SLC24A2: variants seen among roughly 807,000 people sequenced by gnomAD.
The protein encoded by SLC24A2 is solute carrier family 24 member 2.
SLC24A2 carries 36 observed loss-of-function variants against 62.0 expected under a neutral mutation model. The observed-to-expected ratio is 0.58, with a 90% CI of 0.44 to 0.77. The LOEUF (loss-of-function observed/expected upper bound fraction) is 0.77. SLC24A2 is among the 30% of genes least tolerant of loss of function. The pLI is 0.00. For missense variants in SLC24A2, 846 were observed against 817.9 expected (o/e 1.03, Z -0.42); for synonymous variants, 358 against 294.0 (o/e 1.22, Z -2.23).
At chr9:19,988,160 C>G in the SLC24A2 span, among the ~76,000 whole-genome samples, 1 of 152,134 alleles carries the variant, frequency 6.6e-6, no homozygotes, top group African/African-American at 2.4e-5. Context: ...ACTGCCTTCT[C>G]TCCTACCACC....
chr9:19,863,871 A>G, the SLC24A2 span, among the ~76,000 whole-genome samples: 1 of 151,988 alleles, frequency 6.6e-6, no homozygotes, highest in South Asian at 2.1e-4. Flanking sequence ...ACAGAAATGA[A>G]GAAAATATAA....
the SLC24A2 span, among the ~76,000 whole-genome samples, chr9:19,885,583 T>A: frequency 3.3e-5 from 5 of 152,160 alleles, no homozygotes; most frequent in African/African-American, 1.2e-4. Context: ...CACTTAATTA[T>A]GATTGAGGAT....
the SLC24A2 span, among the ~76,000 whole-genome samples, chr9:19,986,228 C>A: frequency 6.6e-6 from 1 of 152,030 alleles, no homozygotes; most frequent in East Asian, 1.9e-4. Context: ...AGAGGGATAC[C>A]ACTTCACACC....
In SLC24A2 at chr9:19,560,897, G is replaced by A. The variant is rs536668483; in HGVS notation, c.1348-10629C>T. Among the ~76,000 whole-genome samples the A allele has an allele frequency of 2.4e-3, 309 of 128,542 alleles. 2 individuals are homozygous for A. Among genetic ancestry groups the A allele is most frequent in the African/African-American group, 7.4e-3 (259 of 34,778 alleles). The allele number at this position is 128,542 out of a possible 152,430, so 84.3% of individuals were successfully genotyped here. The stretch of plus-strand genomic sequence containing the variant: ...TTTGCATTTGTGTGTGTGTGTGTGT[G>A]TATATATATATATATATATAGAGAG... On this transcript the variant is annotated intron_variant, in intron 7 of 10. Transcript: ENST00000341998.
the SLC24A2 span, among the ~76,000 whole-genome samples, chr9:19,884,322 T>C: frequency 6.6e-6 from 1 of 152,226 alleles, no homozygotes; most frequent in Non-Finnish European, 1.5e-5. Flanking sequence ...AAATGCCTGC[T>C]AATCAATACT....
the SLC24A2 span, among the ~76,000 whole-genome samples, chr9:20,201,889 T>C: frequency 1.2e-4 from 19 of 152,298 alleles, no homozygotes; most frequent in South Asian, 2.9e-3. Flanking sequence ...AGTATGTATT[T>C]GTCATTGCTG....
chr9:19,787,958 C>T (rs1470068020), intron 1 of SLC24A2, among the ~76,000 whole-genome samples: 1 of 152,176 alleles, frequency 6.6e-6, no homozygotes, highest in African/African-American at 2.4e-5. Context: ...TTCTCTATCC[C>T]ACGGAGGAGA....
At chr9:20,059,588 C>G in the SLC24A2 span, among the ~76,000 whole-genome samples, 3 of 151,980 alleles carry the variant, frequency 2.0e-5, no homozygotes, top group East Asian at 5.8e-4. Flanking sequence ...TTAGAAAATA[C>G]TTTGAGATGA....
the SLC24A2 span, among the ~76,000 whole-genome samples, chr9:20,184,299 C>T: frequency 6.6e-6 from 1 of 152,162 alleles, no homozygotes. Context: ...CCTGTTAATC[C>T]CAGCACTTTT....
At chr9:20,261,926 G>C in the SLC24A2 span, among the ~76,000 whole-genome samples, 1 of 151,792 alleles carries the variant, frequency 6.6e-6, no homozygotes, top group African/African-American at 2.4e-5. Flanking sequence ...TTTTAGTAGA[G>C]ACAGCATTTC....
chr9:19,973,498 T>C, the SLC24A2 span, among the ~76,000 whole-genome samples: 1 of 152,226 alleles, frequency 6.6e-6, no homozygotes, highest in East Asian at 1.9e-4. Flanking sequence ...GAGTAGTAGA[T>C]AGACGTGGGC....
At chr9:19,520,829 G>T in intron 10 of SLC24A2, 65 bp downstream of exon 10, 2 of 1,503,448 alleles carry the variant, frequency 1.3e-6, no homozygotes, top group Non-Finnish European at 1.9e-6. Flanking sequence ...TGTCTTTCCA[G>T]CTTCTAAGAA....
chr9:20,117,973 C>G, the SLC24A2 span, among the ~76,000 whole-genome samples: 1 of 152,066 alleles, frequency 6.6e-6, no homozygotes, highest in Non-Finnish European at 1.5e-5. Flanking sequence ...TAAGCAGAGT[C>G]TGACTGACTC....
chr9:20,041,925 G>A, the SLC24A2 span, among the ~76,000 whole-genome samples: 1 of 152,256 alleles, frequency 6.6e-6, no homozygotes, highest in Non-Finnish European at 1.5e-5. Context: ...GCTGCCGAGA[G>A]CCCCCCTTTC....
chr9:19,601,706 G>A (rs1291971677), intron 4 of SLC24A2, among the ~76,000 whole-genome samples: 1 of 151,976 alleles, frequency 6.6e-6, no homozygotes, highest in South Asian at 2.1e-4. Flanking sequence ...TAGCATGAGG[G>A]TTGCATATAT....
the SLC24A2 span, among the ~76,000 whole-genome samples, chr9:20,217,533 G>T: frequency 6.6e-6 from 1 of 152,192 alleles, no homozygotes; most frequent in African/African-American, 2.4e-5. Flanking sequence ...ACAAGCTGGT[G>T]CTGGGAGCAG....
chr9:20,127,349 T>A, the SLC24A2 span, among the ~76,000 whole-genome samples: 77 of 152,316 alleles, frequency 5.1e-4, no homozygotes, highest in African/African-American at 1.7e-3. Flanking sequence ...AACCTTTTCT[T>A]TTATGAAAAC....
chr9:19,589,524 A>C (rs764798601), intron 5 of SLC24A2, among the ~76,000 whole-genome samples: 1 of 152,212 alleles, frequency 6.6e-6, no homozygotes, highest in Non-Finnish European at 1.5e-5. Context: ...AAATTAATCC[A>C]TGATTTAAGA....
intron 2 of SLC24A2, among the ~76,000 whole-genome samples, chr9:19,688,096 G>A (rs1819937614): frequency 6.6e-6 from 1 of 152,102 alleles, no homozygotes; most frequent in African/African-American, 2.4e-5. Flanking sequence ...AAAATAACCT[G>A]CAAATCAATT....
Sources: allele counts gnomAD v4.1 joint callset (sites outside exome capture counted in the v4.1 genomes callset), GRCh38; gene constraint gnomAD v4.1.1; transcripts MANE v1.5; gene names NCBI Gene and HGNC (gene_info 2026-07-23, HGNC 2026-07-21).